SCHIP1: variants seen among roughly 807,000 people sequenced by gnomAD.
The protein encoded by SCHIP1 is schwannomin interacting protein 1.
SCHIP1 carries 8 observed loss-of-function variants against 29.7 expected under a neutral mutation model. That is an observed-to-expected ratio of 0.27 (90% confidence interval 0.16 to 0.49). The LOEUF is 0.49. SCHIP1 is among the 20% of genes least tolerant of loss of function. The pLI is 0.99. For synonymous variants in SCHIP1, 76 were observed against 94.9 expected, an observed-to-expected ratio of 0.80 and a Z score of 1.16; for missense variants, 193 against 294.6, an observed-to-expected ratio of 0.66 and a Z score of 2.52.
the SCHIP1 span, among the ~76,000 whole-genome samples, chr3:159,695,559 G>C: frequency 6.6e-6 from 1 of 152,134 alleles, no homozygotes; most frequent in African/African-American, 2.4e-5. Context: ...TCAAGACTCA[G>C]GGAGAATCAA....
At chr3:159,801,644 C>T in the SCHIP1 span, among the ~76,000 whole-genome samples, 6 of 152,188 alleles carry the variant, frequency 3.9e-5, no homozygotes, top group African/African-American at 1.2e-4. Context: ...AAATTAACCT[C>T]CTGTTATAAT....
the SCHIP1 span, among the ~76,000 whole-genome samples, chr3:159,549,940 C>T: frequency 0.012 from 1,841 of 152,060 alleles, 28 homozygotes; most frequent in African/African-American, 0.029. Context: ...AGGAGCTTAC[C>T]TGGTGATAGA....
At chr3:159,517,615 A>T in the SCHIP1 span, among the ~76,000 whole-genome samples, 1 of 152,082 alleles carries the variant, frequency 6.6e-6, no homozygotes, top group Non-Finnish European at 1.5e-5. Flanking sequence ...TAAATTTTCT[A>T]ATCTGCTTAA....
chr3:159,577,620 GA>G, the SCHIP1 span, among the ~76,000 whole-genome samples: 2 of 152,150 alleles, frequency 1.3e-5, no homozygotes, highest in East Asian at 3.9e-4. Flanking sequence ...CACCATTATG[GA>G]AAATCATCAG....
At chr3:159,404,273 T>G in the SCHIP1 span, among the ~76,000 whole-genome samples, 3 of 152,064 alleles carry the variant, frequency 2.0e-5, no homozygotes, top group African/African-American at 7.2e-5. Context: ...AAAGGGGACT[T>G]TGTCTTGCAG....
the SCHIP1 span, among the ~76,000 whole-genome samples, chr3:159,555,092 C>T: frequency 6.6e-6 from 1 of 152,136 alleles, no homozygotes; most frequent in Non-Finnish European, 1.5e-5. Flanking sequence ...TTTCCTTACA[C>T]TTGCTTTAAG....
chr3:159,853,715 G>A (rs1226062555), intron 1 of SCHIP1, among the ~76,000 whole-genome samples: 1 of 152,152 alleles, frequency 6.6e-6, no homozygotes, highest in Non-Finnish European at 1.5e-5. Flanking sequence ...ATTCTATTAT[G>A]CATTTAACTG....
chr3:159,382,568 C>T, the SCHIP1 span, among the ~76,000 whole-genome samples: 4 of 152,060 alleles, frequency 2.6e-5, no homozygotes, highest in African/African-American at 4.8e-5. Context: ...AATAAACATA[C>T]GTGTGCATGT....
At chr3:159,286,230 C>G in the SCHIP1 span, among the ~76,000 whole-genome samples, 24,452 of 152,080 alleles carry the variant, frequency 0.16, 2,285 homozygotes, top group Middle Eastern at 0.27. Flanking sequence ...CTTCCTCCCT[C>G]CAGCTTCAAG....
At chr3:159,550,933 C>A in the SCHIP1 span, among the ~76,000 whole-genome samples, 1 of 152,076 alleles carries the variant, frequency 6.6e-6, no homozygotes, top group African/African-American at 2.4e-5. Flanking sequence ...TGTGAGTTAA[C>A]TTTATATTAT....
the SCHIP1 span, among the ~76,000 whole-genome samples, chr3:159,656,918 T>C: frequency 1.3e-5 from 2 of 152,218 alleles, no homozygotes; most frequent in Admixed American, 6.5e-5. Flanking sequence ...TCTGTTGTAA[T>C]AGTGTATGTC....
At chr3:159,453,121 G>T in the SCHIP1 span, among the ~76,000 whole-genome samples, 2 of 152,196 alleles carry the variant, frequency 1.3e-5, no homozygotes, top group Non-Finnish European at 2.9e-5. Flanking sequence ...ACTCACTCCA[G>T]TTAGGGTTTC....
the SCHIP1 span, among the ~76,000 whole-genome samples, chr3:159,450,897 C>G: frequency 6.7e-6 from 1 of 149,938 alleles, no homozygotes; most frequent in East Asian, 2.0e-4. Context: ...CAAGCTCCAC[C>G]TCCTGGGTTC....
chr3:159,573,279 C>T, the SCHIP1 span, among the ~76,000 whole-genome samples: 3 of 152,144 alleles, frequency 2.0e-5, no homozygotes, highest in Non-Finnish European at 4.4e-5. Context: ...TTAGTGCTTC[C>T]TTCAAGGAGC....
chr3:159,778,224 A>T, the SCHIP1 span, among the ~76,000 whole-genome samples: 8 of 151,750 alleles, frequency 5.3e-5, no homozygotes, highest in African/African-American at 1.7e-4. Flanking sequence ...CTATCTCCTG[A>T]CCTCATGATC....
the SCHIP1 span, among the ~76,000 whole-genome samples, chr3:159,458,686 A>G: frequency 6.6e-6 from 1 of 152,142 alleles, no homozygotes; most frequent in Non-Finnish European, 1.5e-5. Flanking sequence ...CATGAAGGTA[A>G]TTGCTTAGAG....
At chr3:159,354,583 T>G in the SCHIP1 span, among the ~76,000 whole-genome samples, 1 of 152,222 alleles carries the variant, frequency 6.6e-6, no homozygotes, top group East Asian at 1.9e-4. Flanking sequence ...TGTAGAGTGA[T>G]TATTCTCCTG....
At chr3:159,401,172 T>C in the SCHIP1 span, 1 of 978,016 alleles carries the variant, frequency 1.0e-6, no homozygotes, top group Non-Finnish European at 1.2e-6. Flanking sequence ...CCTATCTCCA[T>C]ACCCAATAAT....
At chr3:159,507,141 G>A in the SCHIP1 span, among the ~76,000 whole-genome samples, 9 of 152,044 alleles carry the variant, frequency 5.9e-5, no homozygotes, top group South Asian at 4.1e-4. Flanking sequence ...CTTTTATTTC[G>A]TTGAGCAGTA....
Sources: gnomAD v4.1 joint callset for allele counts (sites outside exome capture counted in the v4.1 genomes callset) on GRCh38, gnomAD v4.1.1 for gene constraint, MANE v1.5 for transcripts, NCBI Gene and HGNC (gene_info 2026-07-23, HGNC 2026-07-21) for gene names.